ADGRL3: variants seen among roughly 807,000 people sequenced by gnomAD.
ADGRL3 encodes the protein calcium-independent alpha-latrotoxin receptor 3.
ADGRL3 carries 62 observed loss-of-function variants against 153.5 expected under a neutral mutation model. The ratio of observed to expected loss-of-function variants is 0.40; its 90% CI spans 0.33 to 0.50. ADGRL3 has a LOEUF of 0.50. Among genes scored for constraint, ADGRL3 ranks in the 20% least tolerant of loss-of-function variants. ADGRL3 has a pLI of 0.47. For missense variants in ADGRL3, 1,641 were observed against 1,859.4 expected (o/e 0.88, Z 2.16); for synonymous variants, 710 against 672.5 (o/e 1.06, Z -0.86).
At chr4:61,776,827 TCAA>T (rs907517250) in intron 8 of ADGRL3, among the ~76,000 whole-genome samples, 3 of 152,306 alleles carry the variant, frequency 2.0e-5, no homozygotes, top group South Asian at 2.1e-4. Flanking sequence ...AAACAATGCA[TCAA>T]CAAGAGTCTT....
chr4:61,306,364 C>T (rs868222202), intron 1 of ADGRL3, among the ~76,000 whole-genome samples: 20 of 152,222 alleles, frequency 1.3e-4, no homozygotes, highest in South Asian at 2.1e-4. Flanking sequence ...TCCCAAAGTG[C>T]AGGGATTACA....
intron 8 of ADGRL3, among the ~76,000 whole-genome samples, chr4:61,752,652 C>T (rs1281817882): frequency 6.6e-6 from 1 of 152,130 alleles, no homozygotes; most frequent in African/African-American, 2.4e-5. Context: ...AGTATGCTGG[C>T]TGGGCACAGA....
chr4:61,738,454 G>T (rs779147688), intron 8 of ADGRL3, among the ~76,000 whole-genome samples: 13 of 152,094 alleles, frequency 8.5e-5, no homozygotes, highest in Non-Finnish European at 5.9e-5. Flanking sequence ...GGATTGCAGG[G>T]TCAGATGGTA....
intron 4 of ADGRL3, among the ~76,000 whole-genome samples, chr4:61,543,495 G>A (rs966081665): frequency 6.6e-6 from 1 of 152,162 alleles, no homozygotes; most frequent in African/African-American, 2.4e-5. Context: ...CCGGAGAGAA[G>A]CATGCCAGAT....
At chr4:61,466,791 A>T (rs188983992) in intron 2 of ADGRL3, among the ~76,000 whole-genome samples, 9 of 152,324 alleles carry the variant, frequency 5.9e-5, no homozygotes, top group Non-Finnish European at 1.0e-4. Flanking sequence ...GGGATTAAAA[A>T]TCAAACAAAC....
chr4:61,568,331 T>C (rs1030014971), intron 4 of ADGRL3, among the ~76,000 whole-genome samples: 1 of 152,166 alleles, frequency 6.6e-6, no homozygotes, highest in Non-Finnish European at 1.5e-5. Flanking sequence ...CAACTGTCTC[T>C]CTTCTCATTT....
chr4:61,875,974 A>G (rs898640088), intron 9 of ADGRL3, among the ~76,000 whole-genome samples: 3 of 152,126 alleles, frequency 2.0e-5, no homozygotes, highest in African/African-American at 4.8e-5. Flanking sequence ...TCTTTTGAGT[A>G]CAACAGTTCA....
intron 2 of ADGRL3, among the ~76,000 whole-genome samples, chr4:61,439,922 A>G (rs1299114367): frequency 1.3e-5 from 2 of 152,180 alleles, no homozygotes; most frequent in Non-Finnish European, 2.9e-5. Flanking sequence ...CATACATAAC[A>G]TATACATTTA....
intron 5 of ADGRL3, among the ~76,000 whole-genome samples, chr4:61,602,385 T>C (rs1262010578): frequency 2.0e-5 from 3 of 152,170 alleles, no homozygotes; most frequent in African/African-American, 7.2e-5. Flanking sequence ...GGGGTAATTT[T>C]GCCTCCATGG....
chr4:62,024,227 C>T (rs1424838765), intron 21 of ADGRL3, among the ~76,000 whole-genome samples: 2 of 152,058 alleles, frequency 1.3e-5, no homozygotes, highest in African/African-American at 2.4e-5. Flanking sequence ...TCAGACTTAA[C>T]CTGATTCATA....
At chr4:61,884,218 C>A (rs1428733634) in intron 9 of ADGRL3, among the ~76,000 whole-genome samples, 1 of 152,138 alleles carries the variant, frequency 6.6e-6, no homozygotes, top group Non-Finnish European at 1.5e-5. Context: ...TACTTCAAAC[C>A]TTTATCGGTT....
intron 21 of ADGRL3, among the ~76,000 whole-genome samples, chr4:62,012,318 A>G (rs773611207): frequency 2.0e-4 from 30 of 152,340 alleles, no homozygotes; most frequent in Non-Finnish European, 3.1e-4. Context: ...TTAAACATCA[A>G]CTTGAATTTT....
intron 2 of ADGRL3, among the ~76,000 whole-genome samples, chr4:61,451,403 G>T (rs2097671955): frequency 6.6e-6 from 1 of 152,036 alleles, no homozygotes; most frequent in Admixed American, 6.6e-5. Flanking sequence ...AAGCTTATGG[G>T]TAATAAAAAA....
rs574187735 is a variant in ADGRL3, at chr4:61,293,996, C to T, written c.-239-89128C>T. On this transcript the variant is annotated intron_variant, in intron 1 of 26. Coordinates refer to ENST00000683033, the MANE Select transcript of ADGRL3 (RefSeq NM_001387552.1). ...TGTAATTTATCCCTTCTGAGACCTA[C>T]ACTGGTATGGACAGTCCCCAACTTA... Among the ~76,000 whole-genome samples the T allele has an allele frequency of 2.6e-5, 4 of 152,308 alleles. No homozygotes were observed. The East Asian group carries it at 5.8e-4, about 22-fold the overall frequency.
At chr4:61,508,893 A>G (rs1240936715) in intron 3 of ADGRL3, among the ~76,000 whole-genome samples, 3 of 152,168 alleles carry the variant, frequency 2.0e-5, no homozygotes, top group African/African-American at 7.2e-5. Flanking sequence ...AGGCAAGAGC[A>G]CTTCTTATAT....
At chr4:61,843,064 A>C (rs1246510768) in intron 9 of ADGRL3, among the ~76,000 whole-genome samples, 1 of 152,240 alleles carries the variant, frequency 6.6e-6, no homozygotes, top group African/African-American at 2.4e-5. Context: ...AAAAAGGAGT[A>C]AAGAGCACCA....
At chr4:61,697,277 T>C (rs1162742800) in intron 6 of ADGRL3, among the ~76,000 whole-genome samples, 1 of 152,054 alleles carries the variant, frequency 6.6e-6, no homozygotes, top group East Asian at 1.9e-4. Flanking sequence ...TATCCAGAAT[T>C]GGGACAGGCA....
At chr4:61,416,152 C>T (rs17291934) in intron 2 of ADGRL3, among the ~76,000 whole-genome samples, 4,699 of 151,820 alleles carry the variant, frequency 0.031, 230 homozygotes, top group East Asian at 0.21. Flanking sequence ...GGTAAAAATC[C>T]ATAAAAATGC....
intron 4 of ADGRL3, among the ~76,000 whole-genome samples, chr4:61,582,338 C>T (rs546534820): frequency 2.6e-5 from 4 of 152,050 alleles, no homozygotes; most frequent in African/African-American, 7.2e-5. Flanking sequence ...TGCTCTCCCT[C>T]CCCCCGCTCC....
Sources: gnomAD v4.1 joint callset for allele counts (sites outside exome capture counted in the v4.1 genomes callset) on GRCh38, gnomAD v4.1.1 for gene constraint, MANE v1.5 for transcripts, NCBI Gene and HGNC (gene_info 2026-07-23, HGNC 2026-07-21) for gene names.